NTN1: variants seen among roughly 807,000 people sequenced by gnomAD.
NTN1 encodes netrin 1.
Under a neutral mutation model 54.2 loss-of-function variants are expected in NTN1, and 11 were observed. The observed-to-expected ratio is 0.20, with a 90% CI of 0.13 to 0.34. NTN1 has a LOEUF of 0.34. Among genes scored for constraint, NTN1 ranks in the 10% least tolerant of loss-of-function variants. The pLI is 1.00. For synonymous variants in NTN1, 371 were observed against 382.0 expected (o/e 0.97, Z 0.33); for missense variants, 740 against 893.1 (o/e 0.83, Z 2.18).
intron 2 of NTN1, among the ~76,000 whole-genome samples, chr17:9,114,166 A>AAAT (rs1555569108): frequency 6.4e-4 from 48 of 74,624 alleles, no homozygotes; most frequent in African/African-American, 2.5e-3. Context: ...AAAAAAAAAA[A>AAAT]ATATATATAT....
chr17:9,228,786 T>C (rs1451387205), intron 6 of NTN1, among the ~76,000 whole-genome samples: 1 of 151,936 alleles, frequency 6.6e-6, no homozygotes, highest in Non-Finnish European at 1.5e-5. Flanking sequence ...GGATGTTCTG[T>C]TGGCATCTGT....
rs140414195 is a variant in NTN1, at chr17:9,082,982, C to G, written c.1018+59591C>G. ...CTAACGTAAGCTTCGATCATCATAG[C>G]TCTCTAGTGTCTAGAGACAGGAGGT... On this transcript the variant is annotated intron_variant, in intron 2 of 6. Coordinates refer to ENST00000173229, the MANE Select transcript of NTN1 (RefSeq NM_004822.3). Among the ~76,000 whole-genome samples the G allele has an allele frequency of 3.9e-3, 600 of 152,256 alleles. 3 individuals carry two copies. The highest frequency in any genetic ancestry group is 5.2e-3 in the Non-Finnish European group (354 of 68,006).
chr17:9,061,045 A>C (rs181383420), intron 2 of NTN1, among the ~76,000 whole-genome samples: 8 of 151,840 alleles, frequency 5.3e-5, no homozygotes, highest in Admixed American at 4.6e-4. Context: ...TGAAGTTGAA[A>C]AAATTACTCA....
chr17:9,195,659 G>T (rs1904612852), intron 5 of NTN1, among the ~76,000 whole-genome samples: 1 of 152,150 alleles, frequency 6.6e-6, no homozygotes, highest in Non-Finnish European at 1.5e-5. Flanking sequence ...ACAGGTCCTG[G>T]GCTGTGGTGG....
At chr17:9,014,341 C>G in the NTN1 span, among the ~76,000 whole-genome samples, 1 of 151,930 alleles carries the variant, frequency 6.6e-6, no homozygotes, top group South Asian at 2.1e-4. Flanking sequence ...GTAGGCAGAC[C>G]TGAGAATTAT....
chr17:9,143,334 G>C (rs2092303761), intron 2 of NTN1, among the ~76,000 whole-genome samples: 1 of 152,224 alleles, frequency 6.6e-6, no homozygotes, highest in Admixed American at 6.5e-5. Flanking sequence ...AGGGGGACCA[G>C]CCTGAGCCCT....
At chr17:9,208,150 T>G (rs1450087609) in intron 5 of NTN1, among the ~76,000 whole-genome samples, 1 of 152,188 alleles carries the variant, frequency 6.6e-6, no homozygotes, top group Non-Finnish European at 1.5e-5. Flanking sequence ...AAGAATCGCT[T>G]GAACCTGGAA....
At chr17:9,195,944 C>T (rs1364355790) in intron 5 of NTN1, among the ~76,000 whole-genome samples, 1 of 152,148 alleles carries the variant, frequency 6.6e-6, no homozygotes, top group African/African-American at 2.4e-5. Context: ...TATTTCACCC[C>T]ACTCTAGCTA....
intron 2 of NTN1, among the ~76,000 whole-genome samples, chr17:9,113,004 C>A (rs115699876): frequency 6.7e-6 from 1 of 150,044 alleles, no homozygotes; most frequent in Non-Finnish European, 1.5e-5. Flanking sequence ...ATCAATGATA[C>A]GTTTTGTATA....
chr17:9,083,375 C>T (rs1375351825), intron 2 of NTN1, among the ~76,000 whole-genome samples: 1 of 152,242 alleles, frequency 6.6e-6, no homozygotes, highest in East Asian at 1.9e-4. Context: ...GGGTTATGGG[C>T]GTGAGCCACT....
At position 9,241,414 on chromosome 17, in the gene NTN1, T is replaced by G. The variant is rs1906209792; in HGVS notation, c.*1446T>G. The G allele has an allele frequency of 6.5e-6, 1 of 152,776 alleles. No homozygotes were observed. The highest frequency in any genetic ancestry group is 6.5e-5 in the Admixed American group (1 of 15,292). The allele number at this position is 152,776 out of a possible 1,614,324, so 9.5% of individuals were successfully genotyped here. A position where few individuals can be genotyped will look rare whatever the true frequency, so the allele number is the denominator to read the frequency against. On this transcript the variant is annotated 3_prime_UTR_variant, in exon 7 of 7. Transcript: ENST00000173229. ...GGCAGCCCCTTTTGTTCTGACCTCCTCACACAGGGTCCATTCCTGTGCCCT... is the reference window on the plus strand; with the variant it reads ...GGCAGCCCCTTTTGTTCTGACCTCCGCACACAGGGTCCATTCCTGTGCCCT...
chr17:9,090,493 CT>C (rs1447854522), intron 2 of NTN1, among the ~76,000 whole-genome samples: 1 of 152,090 alleles, frequency 6.6e-6, no homozygotes, highest in Non-Finnish European at 1.5e-5. Flanking sequence ...ATCTTTCTTA[CT>C]TACCAAAGCA....
chr17:9,122,255 C>T (rs1323865881), intron 2 of NTN1, among the ~76,000 whole-genome samples: 1 of 152,108 alleles, frequency 6.6e-6, no homozygotes, highest in African/African-American at 2.4e-5. Context: ...AGGATGGTCT[C>T]GATCTCCTGA....
chr17:9,043,455 C>T (rs755879001), intron 2 of NTN1, among the ~76,000 whole-genome samples: 1 of 152,176 alleles, frequency 6.6e-6, no homozygotes, highest in Non-Finnish European at 1.5e-5. Context: ...CTGCAAAACC[C>T]AGGGCCGGAA....
intron 2 of NTN1, among the ~76,000 whole-genome samples, chr17:9,112,938 C>T (rs548754468): frequency 2.1e-4 from 32 of 151,778 alleles, no homozygotes; most frequent in African/African-American, 6.8e-4. Flanking sequence ...GTGTTAGATA[C>T]GATTCGTTCA....
At chr17:9,215,281 A>ACG (rs1381244574) in intron 5 of NTN1, among the ~76,000 whole-genome samples, 1 of 150,010 alleles carries the variant, frequency 6.7e-6, no homozygotes. Flanking sequence ...ACACACACAC[A>ACG]CACACACATA....
In NTN1 at chr17:9,150,896, G is replaced by A. The variant is rs1010028028; in HGVS notation, c.1019-11917G>A. Reference sequence around the variant, plus strand: ...CGGGTGCCCGGCACAGCGGGAGAAAGAACCACAGGGCCTGGGCTGTGCTTT... The same window carrying A: ...CGGGTGCCCGGCACAGCGGGAGAAAAAACCACAGGGCCTGGGCTGTGCTTT... On this transcript the variant is annotated intron_variant, in intron 2 of 6. Coordinates refer to ENST00000173229, the MANE Select transcript of NTN1 (RefSeq NM_004822.3). 2.6e-5 allele frequency among the ~76,000 whole-genome samples: 4 copies of A among 152,320 alleles called. 1 individual carries two copies. Among genetic ancestry groups the A allele is most frequent in the East Asian group, 1.9e-4 (1 of 5,178 alleles).
chr17:9,016,379 G>T, the NTN1 span, among the ~76,000 whole-genome samples: 1 of 152,078 alleles, frequency 6.6e-6, no homozygotes, highest in Non-Finnish European at 1.5e-5. Flanking sequence ...GGAAGGCCTT[G>T]TCATCCCCCA....
At chr17:9,163,312 TC>T (rs2092363574) in intron 3 of NTN1, among the ~76,000 whole-genome samples, 1 of 151,764 alleles carries the variant, frequency 6.6e-6, no homozygotes, top group African/African-American at 2.4e-5. Flanking sequence ...CACCTCTCCC[TC>T]CCCTCCCCCT....
Sources: gnomAD v4.1 joint callset for allele counts (sites outside exome capture counted in the v4.1 genomes callset) on GRCh38, gnomAD v4.1.1 for gene constraint, MANE v1.5 for transcripts, NCBI Gene and HGNC (gene_info 2026-07-23, HGNC 2026-07-21) for gene names.